CCDC3: variants seen among roughly 807,000 people sequenced by gnomAD.
The protein encoded by CCDC3 is coiled-coil domain containing 3, also known as coiled-coil domain-containing protein 3.
In CCDC3, 24 loss-of-function variants were observed where a neutral mutation model predicts 21.4. The observed-to-expected ratio is 1.12, with a 90% CI of 0.81 to 1.58. CCDC3 has a LOEUF of 1.58. Ranked by LOEUF, CCDC3 falls within the 40% of genes most tolerant of loss-of-function variation. The probability of loss-of-function intolerance (pLI) is 0.00; values close to 1 mark genes in which losing one functional copy is unlikely to be tolerated. For synonymous variants in CCDC3, 186 were observed against 166.0 expected, an observed-to-expected ratio of 1.12 and a Z score of -0.93; for missense variants, 425 against 360.9, an observed-to-expected ratio of 1.18 and a Z score of -1.44.
intron 3 of CCDC3, among the ~76,000 whole-genome samples, chr10:13,097,033 G>C (rs1343558217): frequency 6.6e-6 from 1 of 152,186 alleles, no homozygotes; most frequent in East Asian, 1.9e-4. Context: ...GCTCCTGAAG[G>C]TAGGAAGCCC....
chr10:13,001,255 A>C lies in CCDC3; in HGVS notation c.316T>G (p.Tyr106Asp). 1.3e-6 allele frequency: 2 copies of C among 1,593,334 alleles called. No homozygotes were observed. Among genetic ancestry groups the C allele is most frequent in the Non-Finnish European group, 1.7e-6 (2 of 1,171,004 alleles). Residue 106 changes from tyrosine to aspartate, a missense_variant, in exon 1 of 3, where the codon TAC becomes GAC. Tyr to Asp is a radical substitution (Grantham distance 160). Coordinates refer to ENST00000378825, the MANE Select transcript of CCDC3 (RefSeq NM_031455.4). ...GSRLNLTGLG[Y>D]FSCHSHTVVQ... ...ACGGTGTGGGAGTGGCACGAGAAGT[A>C]GCCCAGGCCGGTGAGGTTGAGCCTG...
At chr10:13,026,472 A>AT (rs930088177) in intron 5 of CCDC3, among the ~76,000 whole-genome samples, 8 of 151,404 alleles carry the variant, frequency 5.3e-5, no homozygotes, top group Admixed American at 1.3e-4. Context: ...TCTTGGCTTC[A>AT]TTTTTTTTTC....
intron 4 of CCDC3, among the ~76,000 whole-genome samples, chr10:13,053,901 T>G (rs1048856702): frequency 6.6e-6 from 1 of 152,044 alleles, no homozygotes; most frequent in African/African-American, 2.4e-5. Flanking sequence ...TCGCAGCACT[T>G]TGTCAGGCTG....
upstream of CCDC3, among the ~76,000 whole-genome samples, chr10:13,005,802 A>G (rs372724082): frequency 5.9e-5 from 9 of 152,320 alleles, no homozygotes; most frequent in African/African-American, 2.2e-4. Flanking sequence ...GCTCAACACC[A>G]CTTGAAACTG....
chr10:13,066,769 G>C (rs560448222), intron 4 of CCDC3, among the ~76,000 whole-genome samples: 12 of 152,204 alleles, frequency 7.9e-5, no homozygotes, highest in Non-Finnish European at 1.6e-4. Context: ...CACAGGCAGC[G>C]GGAGGAGCCT....
intron 2 of CCDC3, among the ~76,000 whole-genome samples, chr10:12,931,869 C>T (rs1299594732): frequency 6.6e-6 from 1 of 152,164 alleles, no homozygotes; most frequent in African/African-American, 2.4e-5. Flanking sequence ...CCCAAAGGAC[C>T]TGTAAGTAAA....
In CCDC3 at chr10:12,979,018, A is replaced by G. The variant is rs142720331; in HGVS notation, c.549+19320T>C. On this transcript the variant is annotated intron_variant, in intron 2 of 2. Coordinates refer to ENST00000378825, the MANE Select transcript of CCDC3 (RefSeq NM_031455.4). ...ACAACCCTGTGTCATCGCCTCATCCATAAGCCAGGCTCCCATGTTGACAGA... is the reference window on the plus strand; with the variant it reads ...ACAACCCTGTGTCATCGCCTCATCCGTAAGCCAGGCTCCCATGTTGACAGA... Among the ~76,000 whole-genome samples, 164 of 152,234 alleles carry G rather than the reference A, an allele frequency of 1.1e-3. 1 individual carries two copies. Among genetic ancestry groups the G allele is most frequent in the African/African-American group, 3.6e-3 (150 of 41,546 alleles).
chr10:13,027,485 G>A (rs1443935837), intron 5 of CCDC3, among the ~76,000 whole-genome samples: 2 of 152,042 alleles, frequency 1.3e-5, no homozygotes, highest in Non-Finnish European at 2.9e-5. Context: ...CACTGATTAA[G>A]AGGCTAATCA....
chr10:12,947,544 A>G (rs1247978236), intron 2 of CCDC3, among the ~76,000 whole-genome samples: 2 of 152,152 alleles, frequency 1.3e-5, no homozygotes, highest in African/African-American at 2.4e-5. Flanking sequence ...ATGGCCTGTG[A>G]CTTTGTCACC....
At chr10:13,093,567 A>G (rs977780794) in intron 3 of CCDC3, among the ~76,000 whole-genome samples, 1 of 152,212 alleles carries the variant, frequency 6.6e-6, no homozygotes, top group African/African-American at 2.4e-5. Context: ...ATAAGAAATG[A>G]AAAACAAATT....
chr10:12,948,524 C>T (rs934218611), intron 2 of CCDC3, among the ~76,000 whole-genome samples: 14 of 151,734 alleles, frequency 9.2e-5, no homozygotes, highest in African/African-American at 3.4e-4. Flanking sequence ...TCCAGAACCC[C>T]GTGTGTTTTC....
At chr10:13,042,849 C>A (rs921683029) in intron 5 of CCDC3, among the ~76,000 whole-genome samples, 12 of 141,136 alleles carry the variant, frequency 8.5e-5, no homozygotes, top group African/African-American at 3.2e-4. Context: ...GTGGAGCTTG[C>A]AGTGAGCCGA....
rs572057172 is a variant in CCDC3 at position 13,027,871 on chromosome 10, T to C, written c.-2+21803A>G. 3.3e-5 allele frequency among the ~76,000 whole-genome samples: 5 copies of C among 152,244 alleles called. No individual in the cohort carries two copies. The South Asian group carries it at 1.0e-3, about 32-fold the overall frequency. On this transcript the variant is annotated intron_variant, in intron 5 of 6. Coordinates refer to the CCDC3 transcript ENST00000378839. The stretch of plus-strand genomic sequence containing the variant: ...GAGAGGTTATATTAACTTTTCCAAG[T>C]TCTCATAGTTACACATGGAAAATGT...
chr10:13,081,565 C>T (rs1837039490), intron 3 of CCDC3, among the ~76,000 whole-genome samples: 1 of 152,220 alleles, frequency 6.6e-6, no homozygotes, highest in Admixed American at 6.5e-5. Context: ...GCTACGAAAA[C>T]TTAATCTATC....
intron 2 of CCDC3, among the ~76,000 whole-genome samples, chr10:12,901,420 G>A (rs1588996534): frequency 6.6e-6 from 1 of 151,950 alleles, no homozygotes; most frequent in East Asian, 1.9e-4. Context: ...CTACAGGCAC[G>A]AGCCACCAAG....
At chr10:12,931,478 T>C (rs1442605681) in intron 2 of CCDC3, among the ~76,000 whole-genome samples, 1 of 152,220 alleles carries the variant, frequency 6.6e-6, no homozygotes, top group East Asian at 1.9e-4. Flanking sequence ...ATCCATCAGA[T>C]GCTGAAGATC....
chr10:13,002,712 A>G (rs1321184629), upstream of CCDC3, among the ~76,000 whole-genome samples: 1 of 152,188 alleles, frequency 6.6e-6, no homozygotes, highest in African/African-American at 2.4e-5. Flanking sequence ...TCATAATGCT[A>G]TTAGTCTCCC....
At chr10:13,085,892 G>A (rs1286910438) in intron 3 of CCDC3, among the ~76,000 whole-genome samples, 6 of 152,034 alleles carry the variant, frequency 3.9e-5, no homozygotes, top group South Asian at 2.1e-4. Flanking sequence ...ACTTGAATCC[G>A]GGAGCTGGGG....
chr10:12,974,401 T>C (rs576471113), intron 2 of CCDC3, among the ~76,000 whole-genome samples: 1 of 152,356 alleles, frequency 6.6e-6, no homozygotes, highest in South Asian at 2.1e-4. Context: ...TGTCCTGTTT[T>C]GCTCCCACCC....
Sources: allele counts gnomAD v4.1 joint callset (sites outside exome capture counted in the v4.1 genomes callset), GRCh38; gene constraint gnomAD v4.1.1; transcripts MANE v1.5; gene names NCBI Gene and HGNC (gene_info 2026-07-23, HGNC 2026-07-21).